GLRA1: variants seen among roughly 807,000 people sequenced by gnomAD.
The protein encoded by GLRA1 is glycine receptor alpha 1, also known as glycine receptor subunit alpha-1.
Under a neutral mutation model 48.3 loss-of-function variants are expected in GLRA1, and 37 were observed. That is an observed-to-expected ratio of 0.77 (90% CI 0.59 to 1.01). The LOEUF is 1.01. GLRA1 is among the 50% of genes least tolerant of loss of function. The probability of loss-of-function intolerance (pLI) is 0.00; values close to 1 mark genes in which losing one functional copy is unlikely to be tolerated. For synonymous variants in GLRA1, 196 were observed against 210.7 expected, an observed-to-expected ratio of 0.93 and a Z score of 0.60; for missense variants, 427 against 571.0, an observed-to-expected ratio of 0.75 and a Z score of 2.57.
chr5:151,879,690 G>T (rs1367059166), intron 3 of GLRA1, among the ~76,000 whole-genome samples: 2 of 152,176 alleles, frequency 1.3e-5, no homozygotes, highest in African/African-American at 4.8e-5. Flanking sequence ...ATAGATGGAA[G>T]GGACTTGCCT....
At chr5:151,924,394 C>A in intron 1 of GLRA1, 100 bp downstream of exon 1, 1 of 818,598 alleles carries the variant, frequency 1.2e-6, no homozygotes, top group Non-Finnish European at 2.2e-6. Context: ...GAATACAGCA[C>A]CCCTCTTCCC....
chr5:151,853,300 G>T (rs1397947161), intron 6 of GLRA1, among the ~76,000 whole-genome samples: 2 of 151,976 alleles, frequency 1.3e-5, no homozygotes, highest in South Asian at 2.1e-4. Context: ...AGGCTGGAGT[G>T]CAGTGGCGTG....
At chr5:151,893,478 T>G (rs1397406561) in intron 1 of GLRA1, among the ~76,000 whole-genome samples, 2 of 151,990 alleles carry the variant, frequency 1.3e-5, no homozygotes, top group African/African-American at 4.8e-5. Context: ...CCTCTTGCAT[T>G]AGATATTTGT....
chr5:151,830,220 C>A (rs1252367574), intron 7 of GLRA1, among the ~76,000 whole-genome samples: 2 of 152,316 alleles, frequency 1.3e-5, no homozygotes, highest in Admixed American at 6.5e-5. Flanking sequence ...GAGTTATCAT[C>A]ATTTGATATA....
intron 1 of GLRA1, among the ~76,000 whole-genome samples, chr5:151,910,011 A>G (rs564033053): frequency 7.2e-5 from 11 of 152,282 alleles, no homozygotes; most frequent in Admixed American, 6.5e-4. Context: ...TGAGCACCCA[A>G]TTTTATAATA....
chr5:151,827,719 T>A (rs899863628), intron 8 of GLRA1, among the ~76,000 whole-genome samples: 6 of 152,190 alleles, frequency 3.9e-5, no homozygotes, highest in South Asian at 4.1e-4. Flanking sequence ...TTTAAATAGG[T>A]CAGTCTAAAG....
chr5:151,924,786 T>C lies in GLRA1; in HGVS notation c.-237A>G. 1.6e-6 allele frequency: 1 copy of C among 606,106 alleles called. No individual in the cohort carries two copies. Among genetic ancestry groups the C allele is most frequent in the South Asian group, 1.9e-5 (1 of 51,710 alleles). The allele number at this position is 606,106 out of a possible 1,614,324, so 37.5% of individuals were successfully genotyped here. ...CCACGGAGAGCGTCCAGACCTGCTT[T>C]TCAGGAGCGCGAAGAGTATTGCTGT... On this transcript the variant is annotated 5_prime_UTR_variant, in exon 1 of 9. Transcript: ENST00000274576.
At chr5:151,866,727 A>G (rs1753346078) in intron 3 of GLRA1, among the ~76,000 whole-genome samples, 1 of 152,130 alleles carries the variant, frequency 6.6e-6, no homozygotes, top group African/African-American at 2.4e-5. Flanking sequence ...TTGTATACTT[A>G]AAGAATTCAG....
At chr5:151,849,876 T>A in intron 7 of GLRA1, 1 of 1,464,128 alleles carries the variant, frequency 6.8e-7, no homozygotes, top group Non-Finnish European at 9.0e-7. Context: ...GGCTCTAGTA[T>A]TTTACAGTCT....
chr5:151,848,790 C>T (rs1752752501), intron 7 of GLRA1: 1 of 372,144 alleles, frequency 2.7e-6, no homozygotes, highest in Admixed American at 3.2e-5. Context: ...GTGAGCAGCA[C>T]GGCGGTCTCC....
At chr5:151,836,913 A>G (rs1291704362) in intron 7 of GLRA1, among the ~76,000 whole-genome samples, 1 of 152,228 alleles carries the variant, frequency 6.6e-6, no homozygotes, top group Non-Finnish European at 1.5e-5. Flanking sequence ...CACCAAAAGC[A>G]ATGGCAACAA....
chr5:151,831,819 A>C (rs1465055070), intron 7 of GLRA1, among the ~76,000 whole-genome samples: 1 of 152,218 alleles, frequency 6.6e-6, no homozygotes, highest in Non-Finnish European at 1.5e-5. Context: ...AGACTGCCTC[A>C]AGTGGGTCCC....
At chr5:151,885,747 G>A (rs886862002) in intron 3 of GLRA1, among the ~76,000 whole-genome samples, 2 of 152,176 alleles carry the variant, frequency 1.3e-5, no homozygotes, top group African/African-American at 4.8e-5. Context: ...AGCCTCCTCA[G>A]CTTTGCAAAA....
At chr5:151,840,085 C>T (rs761450730) in intron 7 of GLRA1, among the ~76,000 whole-genome samples, 5 of 146,404 alleles carry the variant, frequency 3.4e-5, no homozygotes, top group African/African-American at 1.0e-4. Context: ...TAAGATGACA[C>T]GCTAGAAAAT....
intron 1 of GLRA1, among the ~76,000 whole-genome samples, chr5:151,903,347 G>A (rs1754407354): frequency 2.6e-5 from 4 of 152,318 alleles, no homozygotes; most frequent in Middle Eastern, 3.4e-3. Context: ...CAGAAAGTGA[G>A]CACTTAACTG....
chr5:151,916,727 A>G (rs1376783333), intron 1 of GLRA1, among the ~76,000 whole-genome samples: 1 of 152,184 alleles, frequency 6.6e-6, no homozygotes, highest in African/African-American at 2.4e-5. Context: ...CACCTCCTTT[A>G]TCAATCCTGA....
At chr5:151,839,819 C>T (rs1266472901) in intron 7 of GLRA1, among the ~76,000 whole-genome samples, 2 of 152,154 alleles carry the variant, frequency 1.3e-5, no homozygotes, top group East Asian at 1.9e-4. Flanking sequence ...AGAACCTTCA[C>T]CAGCAACTGA....
rs538724813 is a variant in GLRA1, at chr5:151,841,440, C to G, written c.912+9950G>C. On this transcript the variant is annotated intron_variant, in intron 7 of 8. Coordinates refer to ENST00000274576, the MANE Select transcript of GLRA1 (RefSeq NM_000171.4). The stretch of plus-strand genomic sequence containing the variant: ...TTTGCACTTTAAGAAACTAGGAGGG[C>G]AAACTAAAGTCAAAGCAAGCAGAAG... Among the ~76,000 whole-genome samples the G allele has an allele frequency of 2.6e-5, 4 of 151,638 alleles. No individual in the cohort carries two copies. In the South Asian group the frequency reaches 8.4e-4, roughly 32 times the overall value.
intron 1 of GLRA1, among the ~76,000 whole-genome samples, chr5:151,901,069 T>C (rs1754354980): frequency 6.6e-6 from 1 of 152,082 alleles, no homozygotes; most frequent in African/African-American, 2.4e-5. Context: ...CTGGGGAAAA[T>C]ATTTAATGTC....
Sources: allele counts gnomAD v4.1 joint callset (sites outside exome capture counted in the v4.1 genomes callset), GRCh38; gene constraint gnomAD v4.1.1; transcripts MANE v1.5; gene names NCBI Gene and HGNC (gene_info 2026-07-23, HGNC 2026-07-21).